The following BCLAF1 variants were observed in gnomAD, a reference collection of about 807,000 sequenced individuals.
BCLAF1 encodes the protein BCL2 associated transcription factor 1.
A neutral mutation model predicts 99.5 loss-of-function variants in BCLAF1; 10 were observed. That is an observed-to-expected ratio of 0.10 (90% CI 0.06 to 0.17). BCLAF1 has a LOEUF of 0.17. Ranked by LOEUF, BCLAF1 falls within the 10% of genes least tolerant of loss-of-function variation. The probability of loss-of-function intolerance (pLI) is 1.00; values close to 1 mark genes in which losing one functional copy is unlikely to be tolerated. For synonymous variants in BCLAF1, 255 were observed against 370.9 expected, an observed-to-expected ratio of 0.69 and a Z score of 3.59; for missense variants, 636 against 1,105.8, an observed-to-expected ratio of 0.58 and a Z score of 6.02.
intron 6 of BCLAF1, among the ~76,000 whole-genome samples, chr6:136,275,231 C>T (rs1783110523): frequency 1.3e-5 from 2 of 152,188 alleles, no homozygotes; most frequent in South Asian, 2.1e-4. Flanking sequence ...AAGTACATTA[C>T]AATGACATAC....
intron 3 of BCLAF1, 105 bp downstream of exon 3, chr6:136,279,658 T>C: frequency 3.5e-6 from 4 of 1,156,614 alleles, no homozygotes; most frequent in Non-Finnish European, 4.4e-6. Context: ...ACAGGGTTCT[T>C]TGAGAATAAA....
chr6:136,272,643 T>C (rs56658423), intron 7 of BCLAF1, among the ~76,000 whole-genome samples: 2,420 of 152,042 alleles, frequency 0.016, 41 homozygotes, highest in African/African-American at 0.038. Context: ...TGAAAAAACT[T>C]ACGTCCAGAG....
intron 11 of BCLAF1, among the ~76,000 whole-genome samples, chr6:136,262,182 C>A (rs989398824): frequency 6.6e-6 from 1 of 152,000 alleles, no homozygotes; most frequent in South Asian, 2.1e-4. Flanking sequence ...TTCTATTAAG[C>A]AAAACAATCT....
chr6:136,285,957 G>A (rs1562269995), intron 1 of BCLAF1, among the ~76,000 whole-genome samples: 1 of 152,084 alleles, frequency 6.6e-6, no homozygotes, highest in Non-Finnish European at 1.5e-5. Context: ...AATCAGCCAG[G>A]CGTGGTGGTG....
rs1404068444 is a variant in BCLAF1, at chr6:136,278,170, A to T, written c.711T>A (p.Ser237Arg). 6.2e-7 allele frequency: 1 copy of T among 1,613,476 alleles called. No homozygotes were observed. Among genetic ancestry groups the T allele is most frequent in the Non-Finnish European group, 8.5e-7 (1 of 1,179,634 alleles). Residue 237 changes from serine to arginine, a missense_variant, in exon 4 of 13, where the codon AGT becomes AGA. This residue lies in a region of BCLAF1 where 65 missense variants were observed against 90.9 expected (regional missense o/e 0.71). Transcript: ENST00000531224. ...GAGCATCAGAGCAAGATGAACTCTG[A>T]CTAGGTGGTGTAGCAATAGGTGAAG... ...HSPSPIATPP[S>R]QSSSCSDAPM...
In BCLAF1 at chr6:136,258,584, AGTT is replaced by A. The variant is rs1277802015; in HGVS notation, c.*2523_*2525del. 6.6e-6 allele frequency: 1 copy of A among 152,536 alleles called. No homozygotes were observed. Among genetic ancestry groups the A allele is most frequent in the Non-Finnish European group, 1.5e-5 (1 of 67,924 alleles). The allele number at this position is 152,536 out of a possible 1,614,324, so 9.4% of individuals were successfully genotyped here. A position where few individuals can be genotyped will look rare whatever the true frequency, so the allele number is the denominator to read the frequency against. ...TAGACACAGGTAAACAAACAACAGC[AGTT>A]ATTACTTGTGACATTTTATTGGCGT... On this transcript the variant is annotated 3_prime_UTR_variant, in exon 13 of 13. Coordinates refer to ENST00000531224, the MANE Select transcript of BCLAF1 (RefSeq NM_014739.3).
intron 1 of BCLAF1, among the ~76,000 whole-genome samples, chr6:136,288,460 G>C (rs1785463307): frequency 6.6e-6 from 1 of 152,186 alleles, no homozygotes; most frequent in African/African-American, 2.4e-5. Flanking sequence ...TTTACTGCCT[G>C]AACAGTATCC....
At chr6:136,261,801 CTTA>C (rs1361850604) in intron 11 of BCLAF1, among the ~76,000 whole-genome samples, 1 of 152,056 alleles carries the variant, frequency 6.6e-6, no homozygotes, top group Non-Finnish European at 1.5e-5. Context: ...TCCAAGTCCA[CTTA>C]TTATTACACC....
intron 1 of BCLAF1, among the ~76,000 whole-genome samples, 156 bp downstream of exon 1, chr6:136,289,555 TGA>T (rs993198347): frequency 1.3e-5 from 2 of 152,172 alleles, no homozygotes; most frequent in South Asian, 2.1e-4. Context: ...CTCGAAAACC[TGA>T]GAGAAGCTAA....
rs554317342 is a variant in BCLAF1, at chr6:136,273,870, TAGAA to T, written c.1853-687_1853-684del. 687 of 664,432 alleles carry T rather than the reference TAGAA, an allele frequency of 1.0e-3. 2 individuals are homozygous for T. The highest frequency in any genetic ancestry group is 5.2e-3 in the Middle Eastern group (9 of 1,720). 41.2% of individuals were successfully genotyped at this position (664,432 alleles called of 1,614,324 possible). A position where few individuals can be genotyped will look rare whatever the true frequency, so the allele number is the denominator to read the frequency against. On this transcript the variant is annotated intron_variant, in intron 6 of 12. Coordinates refer to ENST00000531224, the MANE Select transcript of BCLAF1 (RefSeq NM_014739.3). ...TTCAAGATATGTTGTAAATGTAAAA[TAGAA>T]AGACGTATAAAGTCATGAGCTATGA...
In BCLAF1 at chr6:136,276,202, T is replaced by C; in HGVS notation, c.1323A>G (p.Lys441=). ...TEEEGLKYKS[K]VSLKGNRESD... ...TTTCTCTATTGCCTTTCAGTGAAAC[T>C]TTGGACTTGTACTTGAGTCCTTCCT... Residue 441 remains lysine (K), a synonymous_variant, in exon 5 of 13, where the codon AAA becomes AAG. Transcript: ENST00000531224. The C allele has an allele frequency of 6.2e-7, 1 of 1,610,930 alleles. No homozygotes were observed. The highest frequency in any genetic ancestry group is 8.5e-7 in the Non-Finnish European group (1 of 1,179,194).
chr6:136,265,580 A>G (rs1781605209), intron 11 of BCLAF1, among the ~76,000 whole-genome samples: 1 of 152,110 alleles, frequency 6.6e-6, no homozygotes. Flanking sequence ...GACTCCTTGT[A>G]CTCAATTTTC....
In BCLAF1 at chr6:136,275,967, C is replaced by A. The variant is rs1461340511; in HGVS notation, c.1558G>T (p.Asp520Tyr). The change falls in exon 5 of 13, where the codon GAT becomes TAT. Residue 520 changes from aspartate (D) to tyrosine (Y), a missense_variant. Coordinates refer to ENST00000531224, the MANE Select transcript of BCLAF1 (RefSeq NM_014739.3). ...CTGAAGGTAGACTTTTCTCGTGCAT[C>A]CAGATTCTTGTGTAGAGGGGGACTG... ...DYSPPLHKNLDAREKSTFREE... is the reference protein window; with the variant it reads ...DYSPPLHKNLYAREKSTFREE... 6.2e-7 allele frequency: 1 copy of A among 1,612,634 alleles called. No homozygotes were observed. Among genetic ancestry groups the A allele is most frequent in the Non-Finnish European group, 8.5e-7 (1 of 1,179,532 alleles).
chr6:136,267,857 A>G (rs1781937966), intron 10 of BCLAF1, among the ~76,000 whole-genome samples: 1 of 152,012 alleles, frequency 6.6e-6, no homozygotes, highest in South Asian at 2.1e-4. Context: ...TCAAAAACTA[A>G]GTGATTAAAG....
At chr6:136,288,592 T>C (rs935664587) in intron 1 of BCLAF1, among the ~76,000 whole-genome samples, 1 of 152,168 alleles carries the variant, frequency 6.6e-6, no homozygotes, top group East Asian at 1.9e-4. Flanking sequence ...AAGTCTGAAG[T>C]AGCTCATCTT....
chr6:136,281,914 A>G (rs1784425673), intron 2 of BCLAF1, among the ~76,000 whole-genome samples: 1 of 152,224 alleles, frequency 6.6e-6, no homozygotes, highest in South Asian at 2.1e-4. Context: ...CAGCAAGTTC[A>G]TTTTTAAAGG....
rs1780682346 is a variant in BCLAF1, at chr6:136,259,211, T to G, written c.*1899A>C. 6.6e-6 allele frequency: 1 copy of G among 152,040 alleles called. No homozygotes were observed. Among genetic ancestry groups the G allele is most frequent in the African/African-American group, 2.4e-5 (1 of 41,452 alleles). The allele number at this position is 152,040 out of a possible 1,614,324, so 9.4% of individuals were successfully genotyped here. A position where few individuals can be genotyped will look rare whatever the true frequency, so the allele number is the denominator to read the frequency against. On this transcript the variant is annotated 3_prime_UTR_variant, in exon 13 of 13. Coordinates refer to ENST00000531224, the MANE Select transcript of BCLAF1 (RefSeq NM_014739.3). Reference sequence around the variant, plus strand: ...TTAACAGAATAAAAGTAACCAAAGGTTAAAGCAATGCATTTGAACTTAAAA... The same window carrying G: ...TTAACAGAATAAAAGTAACCAAAGGGTAAAGCAATGCATTTGAACTTAAAA...
At position 136,276,473 on chromosome 6, in the gene BCLAF1, T is replaced by A; in HGVS notation, c.1052A>T (p.Asp351Val). The A allele has an allele frequency of 6.4e-7, 1 of 1,554,188 alleles. No homozygotes were observed. Among genetic ancestry groups the A allele is most frequent in the Non-Finnish European group, 8.6e-7 (1 of 1,159,614 alleles). Residue 351 changes from aspartate to valine, a missense_variant, in exon 5 of 13, where the codon GAT becomes GTT. Coordinates refer to ENST00000531224, the MANE Select transcript of BCLAF1 (RefSeq NM_014739.3). ...TDEESRVFLL[D>V]RGNTRDKEAS... ...CTCTTTATCCCTGGTATTACCCCTA[T>A]CAAGCAGGAATACTCTAGACTCTTC... is the stretch of plus-strand genomic sequence containing the variant.
intron 9 of BCLAF1, chr6:136,268,987 A>G: frequency 2.2e-6 from 1 of 456,732 alleles, no homozygotes; most frequent in South Asian, 5.3e-5. Context: ...AGGAAATATT[A>G]TTTTGAAAGA....
Sources: gnomAD v4.1 joint callset for allele counts (sites outside exome capture counted in the v4.1 genomes callset) on GRCh38, gnomAD v4.1.1 for gene constraint, gnomAD v4.1.1 regional missense constraint, MANE v1.5 for transcripts, NCBI Gene and HGNC (gene_info 2026-07-23, HGNC 2026-07-21) for gene names.